The following KCNQ5 variants were observed in gnomAD, a reference collection of about 807,000 sequenced individuals.
The protein encoded by KCNQ5 is potassium voltage-gated channel subfamily KQT member 5.
A neutral mutation model predicts 98.2 loss-of-function variants in KCNQ5; 30 were observed. That is an observed-to-expected ratio of 0.31 (90% CI 0.23 to 0.41). The LOEUF (loss-of-function observed/expected upper bound fraction) is 0.41, where lower values mean the gene tolerates loss of function less well. KCNQ5 is among the 10% of genes least tolerant of loss of function. The probability of loss-of-function intolerance (pLI) is 1.00; values close to 1 mark genes in which losing one functional copy is unlikely to be tolerated. For synonymous variants in KCNQ5, 458 were observed against 449.4 expected (o/e 1.02, Z -0.24); for missense variants, 835 against 1,182.5 (o/e 0.71, Z 4.31).
chr6:73,007,363 C>T (rs544966212), intron 2 of KCNQ5, among the ~76,000 whole-genome samples: 15 of 152,206 alleles, frequency 9.9e-5, no homozygotes, highest in South Asian at 4.2e-4. Flanking sequence ...TTTAGCTGTG[C>T]GACTTGGAAA....
intron 10 of KCNQ5, among the ~76,000 whole-genome samples, chr6:73,160,686 A>T (rs1777585293): frequency 1.3e-5 from 2 of 152,194 alleles, no homozygotes; most frequent in African/African-American, 4.8e-5. Flanking sequence ...GGAACACAGG[A>T]TGGCGGATTA....
At chr6:72,802,447 A>C (rs571509329) in intron 1 of KCNQ5, among the ~76,000 whole-genome samples, 9 of 152,186 alleles carry the variant, frequency 5.9e-5, no homozygotes, top group Admixed American at 5.2e-4. Flanking sequence ...TCCCTCAAAC[A>C]TTTTTACAAC....
At chr6:72,957,350 T>C (rs892553944) in intron 1 of KCNQ5, among the ~76,000 whole-genome samples, 1 of 151,946 alleles carries the variant, frequency 6.6e-6, no homozygotes, top group African/African-American at 2.4e-5. Context: ...TTTGTGTTTT[T>C]AGTAGAGACG....
At chr6:73,109,325 A>T (rs1409821441) in intron 6 of KCNQ5, among the ~76,000 whole-genome samples, 1 of 152,222 alleles carries the variant, frequency 6.6e-6, no homozygotes, top group Non-Finnish European at 1.5e-5. Flanking sequence ...CCTCACATCC[A>T]CATCATAAGT....
At chr6:73,151,110 T>C (rs1284838434) in intron 10 of KCNQ5, among the ~76,000 whole-genome samples, 1 of 152,160 alleles carries the variant, frequency 6.6e-6, no homozygotes. Flanking sequence ...TATTATGTCT[T>C]ACAAATTACA....
chr6:72,832,619 G>T (rs897310009), intron 1 of KCNQ5, among the ~76,000 whole-genome samples: 20 of 152,056 alleles, frequency 1.3e-4, no homozygotes, highest in Admixed American at 2.6e-4. Flanking sequence ...CCTAAATTTG[G>T]TTATCTCCTA....
chr6:73,046,447 A>C (rs1771958835), intron 3 of KCNQ5, among the ~76,000 whole-genome samples: 1 of 152,232 alleles, frequency 6.6e-6, no homozygotes. Flanking sequence ...CAAAACATTA[A>C]AACAATTTTA....
At chr6:72,951,315 C>T (rs906298869) in intron 1 of KCNQ5, among the ~76,000 whole-genome samples, 7 of 152,120 alleles carry the variant, frequency 4.6e-5, no homozygotes, top group Non-Finnish European at 8.8e-5. Context: ...CTTGCTCTGT[C>T]GACCAGGCTG....
At chr6:72,890,358 A>G (rs1177530111) in intron 1 of KCNQ5, among the ~76,000 whole-genome samples, 1 of 152,176 alleles carries the variant, frequency 6.6e-6, no homozygotes, top group Non-Finnish European at 1.5e-5. Flanking sequence ...ATTGTTAACT[A>G]TAGGTACTAT....
In KCNQ5 at chr6:72,891,354, G is replaced by C. The variant is rs528174213; in HGVS notation, c.399-112554G>C. ...AAATGGTTGGATGTGTAAATGGTTGGATGAACATACTCAAAAAGTGTCAAT... is the reference window on the plus strand; with the variant it reads ...AAATGGTTGGATGTGTAAATGGTTGCATGAACATACTCAAAAAGTGTCAAT... On this transcript the variant is annotated intron_variant, in intron 1 of 13. Transcript: ENST00000370398. 2.6e-5 allele frequency among the ~76,000 whole-genome samples: 4 copies of C among 152,226 alleles called. No homozygotes were observed. The East Asian group carries it at 7.7e-4, about 29-fold the overall frequency.
intron 7 of KCNQ5, among the ~76,000 whole-genome samples, chr6:73,112,907 C>T (rs1414996329): frequency 6.6e-6 from 1 of 152,076 alleles, no homozygotes; most frequent in East Asian, 1.9e-4. Flanking sequence ...GACCATCAGG[C>T]ATGACTTCCA....
chr6:72,794,179 C>T (rs896387244), intron 1 of KCNQ5, among the ~76,000 whole-genome samples: 4 of 152,168 alleles, frequency 2.6e-5, no homozygotes, highest in Admixed American at 6.5e-5. Flanking sequence ...TTATAGCTTT[C>T]GGGACACATC....
At chr6:72,898,910 A>G (rs982757993) in intron 1 of KCNQ5, among the ~76,000 whole-genome samples, 4 of 152,056 alleles carry the variant, frequency 2.6e-5, no homozygotes, top group African/African-American at 7.3e-5. Context: ...TGTGATCTGC[A>G]TTTCTCTAAT....
chr6:72,765,273 GC>G (rs1472120472), intron 1 of KCNQ5, among the ~76,000 whole-genome samples: 29 of 151,828 alleles, frequency 1.9e-4, no homozygotes, highest in African/African-American at 6.8e-4. Context: ...GTACATTCTT[GC>G]CAGCATGATC....
chr6:72,984,208 G>A (rs759708565), intron 1 of KCNQ5, among the ~76,000 whole-genome samples: 3 of 152,166 alleles, frequency 2.0e-5, no homozygotes, highest in Admixed American at 6.5e-5. Flanking sequence ...CTCAGATCTC[G>A]AACACCATGC....
chr6:73,107,126 C>T (rs373773251), intron 6 of KCNQ5, among the ~76,000 whole-genome samples: 1 of 152,090 alleles, frequency 6.6e-6, no homozygotes, highest in East Asian at 1.9e-4. Context: ...AAAATAATGG[C>T]ACAAAATAAT....
intron 1 of KCNQ5, among the ~76,000 whole-genome samples, chr6:72,727,166 G>T (rs748385746): frequency 6.6e-6 from 1 of 152,232 alleles, no homozygotes; most frequent in Non-Finnish European, 1.5e-5. Context: ...ACATAGCACA[G>T]CAGGGTCTCA....
At chr6:72,994,588 C>A (rs1362327009) in intron 1 of KCNQ5, among the ~76,000 whole-genome samples, 1 of 150,280 alleles carries the variant, frequency 6.7e-6, no homozygotes, top group Non-Finnish European at 1.5e-5. Context: ...GAACCCGGTA[C>A]CTCAGATGGA....
intron 1 of KCNQ5, among the ~76,000 whole-genome samples, chr6:72,695,663 TG>T (rs1250037569): frequency 6.6e-6 from 1 of 152,122 alleles, no homozygotes; most frequent in African/African-American, 2.4e-5. Context: ...ATAAATATTA[TG>T]TATGATTTTA....
Sources: gnomAD v4.1 joint callset for allele counts (sites outside exome capture counted in the v4.1 genomes callset) on GRCh38, gnomAD v4.1.1 for gene constraint, MANE v1.5 for transcripts, NCBI Gene and HGNC (gene_info 2026-07-23, HGNC 2026-07-21) for gene names.